The following VWA7 variants were observed in gnomAD, a reference collection of about 807,000 sequenced individuals.
VWA7 encodes von Willebrand factor A domain containing 7, also known as von Willebrand factor A domain-containing protein 7.
Under a neutral mutation model 83.1 loss-of-function variants are expected in VWA7, and 66 were observed. The observed-to-expected ratio is 0.79, with a 90% CI of 0.65 to 0.98. VWA7 has a LOEUF of 0.98. VWA7 is among the 50% of genes least tolerant of loss of function. The pLI, the probability that VWA7 is intolerant of heterozygous loss-of-function variation, is 0.00. For missense variants in VWA7, 1,080 were observed against 1,160.2 expected (o/e 0.93, Z 1.00); for synonymous variants, 424 against 488.5 (o/e 0.87, Z 1.74).
Position 31,767,644 on chromosome 6 carries a change from G to C in VWA7, c.1614C>G (p.Ser538Arg). Reference sequence around the variant, plus strand: ...TACCTGCAGGGTTCTTGATCCAGAAGCTGCTGATGTCTCCGTGGATCCGGA... The same window carrying C: ...TACCTGCAGGGTTCTTGATCCAGAACCTGCTGATGTCTCCGTGGATCCGGA... ...ITVRIHGDIS[S>R]FWIKNPAGVS... The change falls in exon 11 of 17, where the codon AGC becomes AGG. Residue 538 changes from serine (S) to arginine (R), a missense_variant. Ser to Arg is a moderately radical substitution (Grantham distance 110). Coordinates refer to ENST00000375688, the MANE Select transcript of VWA7 (RefSeq NM_025258.3). 6.2e-7 allele frequency: 1 copy of C among 1,612,744 alleles called. No homozygotes were observed. Among genetic ancestry groups the C allele is most frequent in the South Asian group, 1.1e-5 (1 of 91,066 alleles).
chr6:31,766,082 T>G lies in VWA7; in HGVS notation c.2325-25A>C. ...CCTGGAGAGAGGATATAGGCGTCGCTAAAGCTCCAGGCTGCCCAGAGCCTA... is the reference window on the plus strand; with the variant it reads ...CCTGGAGAGAGGATATAGGCGTCGCGAAAGCTCCAGGCTGCCCAGAGCCTA... On this transcript the variant is annotated intron_variant, in intron 15 of 16. Coordinates refer to ENST00000375688, the MANE Select transcript of VWA7 (RefSeq NM_025258.3). The surrounding 1 kb of genome is among the most constrained non-coding windows in gnomAD (Gnocchi z 4.9). 1 of 1,612,016 alleles carries G rather than the reference T, an allele frequency of 6.2e-7. No homozygotes were observed. The highest frequency in any genetic ancestry group is 8.5e-7 in the Non-Finnish European group (1 of 1,179,504).
Position 31,775,409 on chromosome 6 carries a change from G to C in VWA7, c.534C>G (p.Asn178Lys). Residue 178 changes from asparagine (N) to lysine (K), a missense_variant, in exon 4 of 17, where the codon AAC becomes AAG. Transcript: ENST00000375688. The surrounding 1 kb of genome is among the most constrained non-coding windows in gnomAD (Gnocchi z 5.9). ...HALQDFYSHSNWVELGEQQPH... is the reference protein window; with the variant it reads ...HALQDFYSHSKWVELGEQQPH... Reference sequence around the variant, plus strand: ...GCTGCTGCTCGCCCAGCTCCACCCAGTTGCTATGACTGTAGAAATCCTGGT... The same window carrying C: ...GCTGCTGCTCGCCCAGCTCCACCCACTTGCTATGACTGTAGAAATCCTGGT... The C allele has an allele frequency of 6.2e-7, 1 of 1,612,500 alleles. No homozygotes were observed. Among genetic ancestry groups the C allele is most frequent in the South Asian group, 1.1e-5 (1 of 91,010 alleles).
At chr6:31,772,451 TTGC>T (rs1414942609) in intron 7 of VWA7, among the ~76,000 whole-genome samples, 1 of 149,768 alleles carries the variant, frequency 6.7e-6, no homozygotes, top group Non-Finnish European at 1.5e-5. Context: ...CCCACCCAGG[TTGC>T]TGCTAATTTT....
At position 31,769,191 on chromosome 6, in the gene VWA7, C is replaced by T; in HGVS notation, c.1330G>A (p.Val444Met). 1 of 1,611,180 alleles carries T rather than the reference C, an allele frequency of 6.2e-7. No homozygotes were observed. Among genetic ancestry groups the T allele is most frequent in the Non-Finnish European group, 8.5e-7 (1 of 1,178,708 alleles). The change falls in exon 10 of 17, where the codon GTG becomes ATG. Residue 444 changes from valine (V) to methionine (M), a missense_variant. Transcript: ENST00000375688. The surrounding 1 kb of genome is among the most constrained non-coding windows in gnomAD (Gnocchi z 4.5). ...TGAACCCTTGATGTATCTTCAGTCA[C>T]CAGGAATGTTACCTGTACCCAGAAG... ...QERRCRVTFL[V>M]TEDTSRVQGR...
Position 31,776,158 on chromosome 6 carries a change from C to A in VWA7, c.319G>T (p.Val107Leu), listed in dbSNP as rs1348398152. 1 of 1,614,016 alleles carries A rather than the reference C, an allele frequency of 6.2e-7. No homozygotes were observed. The highest frequency in any genetic ancestry group is 2.2e-5 in the East Asian group (1 of 44,882). Reference protein sequence around the residue: ...SRRFRAALGEVSRANAAQDFL... With the variant: ...SRRFRAALGELSRANAAQDFL... ...TCCTGGGCTGCATTGGCACGAGACA[C>A]CTCACCTAAGGCTGCTCGGAACCGC... The change falls in exon 3 of 17, where the codon GTG (valine) becomes TTG (leucine). Residue 107 changes from valine to leucine, a missense_variant. Coordinates refer to ENST00000375688, the MANE Select transcript of VWA7 (RefSeq NM_025258.3). This position sits in a 1 kb window ranked among gnomAD's most constrained non-coding sequence, Gnocchi z 6.2.
chr6:31,773,239 C>T lies in VWA7; in HGVS notation c.917+3G>A. On this transcript the variant is annotated splice_donor_region_variant and intron_variant, in intron 6 of 16. Coordinates refer to ENST00000375688, the MANE Select transcript of VWA7 (RefSeq NM_025258.3). This position sits in a 1 kb window ranked among gnomAD's most constrained non-coding sequence, Gnocchi z 5.3. Reference sequence around the variant, plus strand: ...AGGGGTCCATCCCCAGGAGGCCACTCACCTGGAGAAATCCCTGTCTCCCAG... The same window carrying T: ...AGGGGTCCATCCCCAGGAGGCCACTTACCTGGAGAAATCCCTGTCTCCCAG... The T allele has an allele frequency of 1.9e-6, 3 of 1,600,596 alleles. No homozygotes were observed. Among genetic ancestry groups the T allele is most frequent in the African/African-American group, 1.3e-5 (1 of 74,918 alleles).
intron 10 of VWA7, 27 bp downstream of exon 10, chr6:31,768,991 T>G (rs1207323604): frequency 6.3e-7 from 1 of 1,592,362 alleles, no homozygotes; most frequent in Non-Finnish European, 8.5e-7. Flanking sequence ...CTTCAGTTCC[T>G]AAGTGAGGGC....
chr6:31,767,194 G>C lies in VWA7; in HGVS notation c.1846C>G (p.His616Asp). 1 of 1,589,034 alleles carries C rather than the reference G, an allele frequency of 6.3e-7. No individual in the cohort carries two copies. The highest frequency in any genetic ancestry group is 8.5e-7 in the Non-Finnish European group (1 of 1,172,590). Residue 616 changes from histidine to aspartate, a missense_variant, in exon 13 of 17, where the codon CAC (histidine) becomes GAC (aspartate). Physicochemically the swap from His to Asp is moderately conservative, Grantham distance 81. Coordinates refer to ENST00000375688, the MANE Select transcript of VWA7 (RefSeq NM_025258.3). The stretch of plus-strand genomic sequence containing the variant: ...TGAGTCAGGGGGTAGAGGCCAGGGT[G>C]GGGTCCATCCTCCATGGGGATCCCA... ...HFGIPMEDGP[H>D]PGLYPLTQPV...
At chr6:31,767,066 AT>A (rs1228579818) in intron 13 of VWA7, 91 bp downstream of exon 13, 3 of 345,676 alleles carry the variant, frequency 8.7e-6, no homozygotes, top group African/African-American at 6.5e-5. Context: ...TATATACATT[AT>A]ATATATAATA....
In VWA7 at chr6:31,774,485, C is replaced by T. The variant is rs1159338192; in HGVS notation, c.721+31G>A. The stretch of plus-strand genomic sequence containing the variant: ...TCCTGTAAGGGAATGACTTTCTCCC[C>T]TTACTTCTGGGGAACTTTCTTGTCT... On this transcript the variant is annotated intron_variant, in intron 5 of 16. Coordinates refer to ENST00000375688, the MANE Select transcript of VWA7 (RefSeq NM_025258.3). The T allele has an allele frequency of 3.1e-6, 5 of 1,601,646 alleles. No homozygotes were observed. The Admixed American group carries it at 6.7e-5, about 21-fold the overall frequency.
rs201752222 is a variant in VWA7 at position 31,774,577 on chromosome 6, A to G, written c.660T>C (p.Asn220=). 5.6e-6 allele frequency: 9 copies of G among 1,612,862 alleles called. No individual in the cohort carries two copies. Among genetic ancestry groups the G allele is most frequent in the South Asian group, 2.2e-5 (2 of 91,076 alleles). Residue 220 remains asparagine (N), a synonymous_variant, in exon 5 of 17, where the codon AAT becomes AAC. Transcript: ENST00000375688. The stretch of plus-strand genomic sequence containing the variant: ...AGGTGAGGAGTGTGAAGCCCAGCCA[A>G]TTCCTGGGGCAGCTCAACTCCTCGC... ...SDCEELSCPR[N]WLGFTLLTSG... is the part of the protein sequence containing the mutation.
Position 31,775,353 on chromosome 6 carries a change from T to C in VWA7, c.590A>G (p.Glu197Gly). 4 of 1,612,446 alleles carry C rather than the reference T, an allele frequency of 2.5e-6. No homozygotes were observed. Among genetic ancestry groups the C allele is most frequent in the Non-Finnish European group, 3.4e-6 (4 of 1,179,756 alleles). ...PHPHLLWPRQELQNLAQVADP... is the reference protein window; with the variant it reads ...PHPHLLWPRQGLQNLAQVADP... Reference sequence around the variant, plus strand: ...CATACCTTGTGCCAGGTTCTGGAGCTCCTGCCTTGGCCAGAGGAGGTGAGG... The same window carrying C: ...CATACCTTGTGCCAGGTTCTGGAGCCCCTGCCTTGGCCAGAGGAGGTGAGG... Residue 197 changes from glutamate to glycine, a missense_variant, in exon 4 of 17, where the codon GAG (glutamate) becomes GGG (glycine). Transcript: ENST00000375688. The surrounding 1 kb of genome is among the most constrained non-coding windows in gnomAD (Gnocchi z 5.9).
rs2151412765 is a variant in VWA7 at position 31,777,067 on chromosome 6, CCCATGCTCA to C, written c.-16+33_-16+41del. 1 of 408,516 alleles carries C rather than the reference CCCATGCTCA, an allele frequency of 2.4e-6. No homozygotes were observed. The highest frequency in any genetic ancestry group is 2.0e-5 in the African/African-American group (1 of 48,918). 25.3% of individuals were successfully genotyped at this position (408,516 alleles called of 1,614,324 possible). A position where few individuals can be genotyped will look rare whatever the true frequency, so the allele number is the denominator to read the frequency against. On this transcript the variant is annotated intron_variant, in intron 1 of 16. Coordinates refer to ENST00000375688, the MANE Select transcript of VWA7 (RefSeq NM_025258.3). The surrounding 1 kb of genome is among the most constrained non-coding windows in gnomAD (Gnocchi z 5.8). ...CCCCAGCCCTGCCGCAGAAACACTC[CCCATGCTCA>C]GGAAGCCTGAGTCCTCTCAGGCCCT...
rs1001452570 is a variant in VWA7 at position 31,775,863 on chromosome 6, G to T, written c.513+101C>A. 13 of 1,498,452 alleles carry T rather than the reference G, an allele frequency of 8.7e-6. No individual in the cohort carries two copies. Among genetic ancestry groups the T allele is most frequent in the Non-Finnish European group, 1.1e-5 (12 of 1,125,906 alleles). The allele number at this position is 1,498,452 out of a possible 1,614,324, so 92.8% of individuals were successfully genotyped here. A position where few individuals can be genotyped will look rare whatever the true frequency, so the allele number is the denominator to read the frequency against. On this transcript the variant is annotated intron_variant, in intron 3 of 16. Transcript: ENST00000375688. The surrounding 1 kb of genome is among the most constrained non-coding windows in gnomAD (Gnocchi z 5.9). Reference sequence around the variant, plus strand: ...CGTGCCAGTGCCCACCCCTTCCAGAGTGGAGGAGACATGATCAAGAAGGCA... The same window carrying T: ...CGTGCCAGTGCCCACCCCTTCCAGATTGGAGGAGACATGATCAAGAAGGCA...
In VWA7 at chr6:31,775,680, C is replaced by T. The variant is rs2151409277; in HGVS notation, c.514-251G>A. Among the ~76,000 whole-genome samples the T allele has an allele frequency of 6.6e-6, 1 of 152,320 alleles. No individual in the cohort carries two copies. Among genetic ancestry groups the T allele is most frequent in the South Asian group, 2.1e-4 (1 of 4,828 alleles). On this transcript the variant is annotated intron_variant, in intron 3 of 16. Transcript: ENST00000375688. This position sits in a 1 kb window ranked among gnomAD's most constrained non-coding sequence, Gnocchi z 5.9. Reference sequence around the variant, plus strand: ...CTAACCCAAGGCCTCTCTCGGCCTGCAGAGTCCTGCTGCGTGTGCTGCTCC... The same window carrying T: ...CTAACCCAAGGCCTCTCTCGGCCTGTAGAGTCCTGCTGCGTGTGCTGCTCC...
chr6:31,765,778 GA>G lies in VWA7; in HGVS notation c.2500-9del. On this transcript the variant is annotated splice_polypyrimidine_tract_variant and intron_variant, in intron 16 of 16. Coordinates refer to ENST00000375688, the MANE Select transcript of VWA7 (RefSeq NM_025258.3). ...AGGGGTGGTGTGCCGGTCCTGTGGGGAAAAGGAAGAGAATGACAGGGTGTGC... is the reference window on the plus strand; with the variant it reads ...AGGGGTGGTGTGCCGGTCCTGTGGGGAAAGGAAGAGAATGACAGGGTGTGC... The G allele has an allele frequency of 6.3e-7, 1 of 1,584,292 alleles. No individual in the cohort carries two copies. Among genetic ancestry groups the G allele is most frequent in the Non-Finnish European group, 8.6e-7 (1 of 1,163,890 alleles).
In VWA7 at chr6:31,769,790, A is replaced by G. The variant is rs763887646; in HGVS notation, c.1202T>C (p.Leu401Pro). ...GAGTGGAGGTGTGTGCAGCAGGGCC[A>G]GCTGGCAGGGAAGGCAACGACCAGT... ...EPEMCLSALQ[L>P]ALLHTPPLSD... The change falls in exon 9 of 17, where the codon CTG becomes CCG. Residue 401 changes from leucine (L) to proline (P), a missense_variant and splice_region_variant. By Grantham distance (98) the Leu-to-Pro change is moderately conservative. Coordinates refer to ENST00000375688, the MANE Select transcript of VWA7 (RefSeq NM_025258.3). This position sits in a 1 kb window ranked among gnomAD's most constrained non-coding sequence, Gnocchi z 4.5. 2 of 1,612,996 alleles carry G rather than the reference A, an allele frequency of 1.2e-6. No homozygotes were observed. The highest frequency in any genetic ancestry group is 3.3e-5 in the Admixed American group (2 of 60,030).
At position 31,776,895 on chromosome 6, in the gene VWA7, G is replaced by T. The variant is rs556223261; in HGVS notation, c.-15-101C>A. On this transcript the variant is annotated intron_variant, in intron 1 of 16. Transcript: ENST00000375688. This position sits in a 1 kb window ranked among gnomAD's most constrained non-coding sequence, Gnocchi z 6.2. The stretch of plus-strand genomic sequence containing the variant: ...GGGAACCTGCTTTACCTCAAAAGTC[G>T]TGTCTGCTCCAGCCTGGCTTCCCCA... The T allele has an allele frequency of 1.6e-4, 106 of 642,800 alleles. No individual in the cohort carries two copies. The African/African-American group carries it at 1.8e-3, about 11-fold the overall frequency. The allele number at this position is 642,800 out of a possible 1,614,324, so 39.8% of individuals were successfully genotyped here.
At chr6:31,774,020 G>A (rs569237704) in intron 5 of VWA7, among the ~76,000 whole-genome samples, 1 of 151,572 alleles carries the variant, frequency 6.6e-6, no homozygotes, top group African/African-American at 2.4e-5. Flanking sequence ...CGGGCGTGGT[G>A]GCACATGCCC....
Sources: allele counts gnomAD v4.1 joint callset (sites outside exome capture counted in the v4.1 genomes callset), GRCh38; gene constraint gnomAD v4.1.1; non-coding constraint Gnocchi (gnomAD v3.1); transcripts MANE v1.5; gene names NCBI Gene and HGNC (gene_info 2026-07-23, HGNC 2026-07-21).